CRYBG1: variants seen among roughly 807,000 people sequenced by gnomAD.
CRYBG1 encodes beta/gamma crystallin domain-containing protein 1.
CRYBG1 carries 139 observed loss-of-function variants against 189.2 expected under a neutral mutation model. That is an observed-to-expected ratio of 0.73 (90% confidence interval 0.64 to 0.85). The LOEUF (loss-of-function observed/expected upper bound fraction) is 0.85, where lower values mean the gene tolerates loss of function less well. CRYBG1 is among the 40% of genes least tolerant of loss of function. The probability of loss-of-function intolerance (pLI) is 0.00; values close to 1 mark genes in which losing one functional copy is unlikely to be tolerated. For missense variants in CRYBG1, 2,611 were observed against 2,675.8 expected, an observed-to-expected ratio of 0.98 and a Z score of 0.53; for synonymous variants, 1,023 against 1,017.1, an observed-to-expected ratio of 1.01 and a Z score of -0.11.
intron 2 of CRYBG1, among the ~76,000 whole-genome samples, chr6:106,470,627 C>G (rs1195869303): frequency 6.6e-6 from 1 of 151,994 alleles, no homozygotes; most frequent in Non-Finnish European, 1.5e-5. Flanking sequence ...GAGTCTAGAG[C>G]AGGAACACAA....
rs532092638 is a variant in CRYBG1, at chr6:106,425,092, G to A, written c.174-26602G>A. On this transcript the variant is annotated intron_variant, in intron 1 of 21. Transcript: ENST00000633556. ...TTCTCAGCTCTACCTGTCACCCAGTGGAGAAAGAGGTATTTTTCTTGCTCC... is the reference window on the plus strand; with the variant it reads ...TTCTCAGCTCTACCTGTCACCCAGTAGAGAAAGAGGTATTTTTCTTGCTCC... Among the ~76,000 whole-genome samples, 89 of 152,252 alleles carry A rather than the reference G, an allele frequency of 5.8e-4. 1 individual carries two copies. In the South Asian group the frequency reaches 0.013, roughly 22 times the overall value.
At chr6:106,393,831 C>T (rs573737539) in intron 1 of CRYBG1, among the ~76,000 whole-genome samples, 11 of 152,222 alleles carry the variant, frequency 7.2e-5, no homozygotes, top group South Asian at 4.1e-4. Flanking sequence ...TGCCACCATG[C>T]TTGGCTAATT....
intron 1 of CRYBG1, among the ~76,000 whole-genome samples, chr6:106,432,840 C>CTTTTTTTT (rs5878888): frequency 1.2e-4 from 15 of 128,882 alleles, no homozygotes; most frequent in African/African-American, 2.0e-4. Context: ...TCTTTTCTTT[C>CTTTTTTTT]TTTTTTTTTT....
intron 1 of CRYBG1, among the ~76,000 whole-genome samples, chr6:106,445,663 T>A (rs1771651030): frequency 6.6e-6 from 1 of 152,230 alleles, no homozygotes; most frequent in African/African-American, 2.4e-5. Context: ...CTCTTAACAA[T>A]TTATCACTCC....
At chr6:106,472,909 TA>T (rs34714366) in intron 2 of CRYBG1, among the ~76,000 whole-genome samples, 346 of 137,158 alleles carry the variant, frequency 2.5e-3, no homozygotes, top group Non-Finnish European at 3.0e-3. Context: ...GTCTCAAAAT[TA>T]AAAAAAAAAA....
In CRYBG1 at chr6:106,408,261, T is replaced by G. The variant is rs531376902; in HGVS notation, c.174-43433T>G. Among the ~76,000 whole-genome samples the G allele has an allele frequency of 4.7e-4, 71 of 152,294 alleles. 1 individual carries two copies. The highest frequency in any genetic ancestry group is 1.6e-3 in the African/African-American group (68 of 41,566). On this transcript the variant is annotated intron_variant, in intron 1 of 21. Coordinates refer to ENST00000633556, the MANE Select transcript of CRYBG1 (RefSeq NM_001371242.2). ...TAGAAACACTGCTATGCAAATTAAC[T>G]AGAAAATCTAGAAGAAATGGATAAA... is the stretch of plus-strand genomic sequence containing the variant.
chr6:106,498,494 A>T (rs1025290753), intron 2 of CRYBG1, among the ~76,000 whole-genome samples: 7 of 152,188 alleles, frequency 4.6e-5, no homozygotes, highest in Non-Finnish European at 7.3e-5. Flanking sequence ...ATAAGCCAGG[A>T]ATACATTTTC....
chr6:106,436,384 C>G (rs1231064311), intron 1 of CRYBG1, among the ~76,000 whole-genome samples: 7 of 151,846 alleles, frequency 4.6e-5, no homozygotes. Flanking sequence ...CTGCAGGCTC[C>G]GCCTCCCGGG....
In CRYBG1 at chr6:106,568,057, CTCTTTCCTCGCTGGTGTCTCGAAT is replaced by C. The variant is rs1774943974; in HGVS notation, c.6302-414_6302-391del. Among the ~76,000 whole-genome samples the C allele has an allele frequency of 3.3e-4, 35 of 107,062 alleles. No homozygotes were observed. The South Asian group carries it at 8.9e-3, about 27-fold the overall frequency. 70.2% of individuals were successfully genotyped at this position (107,062 alleles called of 152,430 possible). ...TTTCCACCACTGCCAGGACTACCTG[CTCTTTCCTCGCTGGTGTCTCGAAT>C]CTACCATCTCACCACCAAATATATG... On this transcript the variant is annotated intron_variant, in intron 21 of 21. Coordinates refer to ENST00000633556, the MANE Select transcript of CRYBG1 (RefSeq NM_001371242.2).
At chr6:106,555,711 G>C in intron 16 of CRYBG1, 57 bp from the exon 17 acceptor site, 1 of 1,588,950 alleles carries the variant, frequency 6.3e-7, no homozygotes, top group Non-Finnish European at 8.6e-7. Flanking sequence ...CAGACTTCTT[G>C]AATAGGAGTG....
Position 106,569,723 on chromosome 6 carries a change from C to G in CRYBG1, c.*1157C>G, listed in dbSNP as rs1356575014. 2 of 152,158 alleles carry G rather than the reference C, an allele frequency of 1.3e-5. No individual in the cohort carries two copies. The highest frequency in any genetic ancestry group is 4.8e-5 in the African/African-American group (2 of 41,414). 9.4% of individuals were successfully genotyped at this position (152,158 alleles called of 1,614,324 possible). ...TTTTTTAGCCTAATTTCTTGTCCTCCTATCCACCTGCATCCACACATGGCC... is the reference window on the plus strand; with the variant it reads ...TTTTTTAGCCTAATTTCTTGTCCTCGTATCCACCTGCATCCACACATGGCC... On this transcript the variant is annotated 3_prime_UTR_variant, in exon 22 of 22. Coordinates refer to ENST00000633556, the MANE Select transcript of CRYBG1 (RefSeq NM_001371242.2).
Position 106,519,642 on chromosome 6 carries a change from C to T in CRYBG1, c.2434C>T (p.Leu812Phe). 1.9e-6 allele frequency: 3 copies of T among 1,614,154 alleles called. No homozygotes were observed. The highest frequency in any genetic ancestry group is 2.5e-6 in the Non-Finnish European group (3 of 1,179,996). The change falls in exon 4 of 22, where the codon CTC becomes TTC. Residue 812 changes from leucine (L) to phenylalanine (F), a missense_variant. By Grantham distance (22) the Leu-to-Phe change is conservative (BLOSUM62 0). Coordinates refer to ENST00000633556, the MANE Select transcript of CRYBG1 (RefSeq NM_001371242.2). Reference protein sequence around the residue: ...SALIPVKDHKLLEKEDSEAAD... With the variant: ...SALIPVKDHKFLEKEDSEAAD... Reference sequence around the variant, plus strand: ...TCTGATTCCTGTCAAGGATCATAAGCTCTTAGAGAAGGAGGACTCAGAGGC... The same window carrying T: ...TCTGATTCCTGTCAAGGATCATAAGTTCTTAGAGAAGGAGGACTCAGAGGC...
At chr6:106,361,160 G>A in intron 1 of CRYBG1, 79 bp downstream of exon 1, 1 of 1,437,546 alleles carries the variant, frequency 7.0e-7, no homozygotes, top group Non-Finnish European at 9.2e-7. Flanking sequence ...TTGGACTCCT[G>A]ACCCCACTTG....
chr6:106,497,303 A>G (rs1772873363), intron 2 of CRYBG1, among the ~76,000 whole-genome samples: 1 of 152,204 alleles, frequency 6.6e-6, no homozygotes, highest in Non-Finnish European at 1.5e-5. Flanking sequence ...GAAAACCCTT[A>G]CAAGGATAAT....
chr6:106,413,661 C>T (rs542292860), intron 1 of CRYBG1, among the ~76,000 whole-genome samples: 5 of 150,624 alleles, frequency 3.3e-5, no homozygotes, highest in African/African-American at 4.9e-5. Context: ...TGGGTGACAA[C>T]GGTGAGATTT....
At chr6:106,541,820 A>T (rs986110068) in intron 10 of CRYBG1, among the ~76,000 whole-genome samples, 199 bp downstream of exon 10, 8 of 152,198 alleles carry the variant, frequency 5.3e-5, no homozygotes, top group Admixed American at 6.5e-5. Context: ...AGGGTGGAAG[A>T]TGATGCTAAT....
Position 106,360,888 on chromosome 6 carries a change from G to A in CRYBG1, c.-21G>A. ...AGAGAGGACCGCGTCCCGGCAGTCG[G>A]AGCGGGAGGAGGACAAGACGATGCC... On this transcript the variant is annotated 5_prime_UTR_variant, in exon 1 of 22. Transcript: ENST00000633556. 6.6e-7 allele frequency: 1 copy of A among 1,519,452 alleles called. No individual in the cohort carries two copies. The highest frequency in any genetic ancestry group is 8.8e-7 in the Non-Finnish European group (1 of 1,138,204). 94.1% of individuals were successfully genotyped at this position (1,519,452 alleles called of 1,614,324 possible).
intron 8 of CRYBG1, among the ~76,000 whole-genome samples, chr6:106,530,716 C>T (rs1773860034): frequency 6.6e-6 from 1 of 152,120 alleles, no homozygotes; most frequent in Non-Finnish European, 1.5e-5. Context: ...AATATTTTCA[C>T]ACAATGCTGG....
chr6:106,385,219 A>G (rs1007801907), intron 1 of CRYBG1, among the ~76,000 whole-genome samples: 3 of 152,206 alleles, frequency 2.0e-5, no homozygotes, highest in African/African-American at 7.2e-5. Context: ...ACTTCTGTGT[A>G]TAAGAGAAAC....
Sources: allele counts gnomAD v4.1 joint callset (sites outside exome capture counted in the v4.1 genomes callset), GRCh38; gene constraint gnomAD v4.1.1; transcripts MANE v1.5; gene names NCBI Gene and HGNC (gene_info 2026-07-23, HGNC 2026-07-21).